PIAS1: variants seen among roughly 807,000 people sequenced by gnomAD.
The protein encoded by PIAS1 is protein inhibitor of activated STAT 1, also known as E3 SUMO-protein ligase PIAS1.
In PIAS1, 6 loss-of-function variants were observed where a neutral mutation model predicts 71.3. That is an observed-to-expected ratio of 0.08 (90% CI 0.05 to 0.17). The LOEUF (loss-of-function observed/expected upper bound fraction) is 0.17. Among genes scored for constraint, PIAS1 ranks in the 10% least tolerant of loss-of-function variants. The probability of loss-of-function intolerance (pLI) is 1.00; values close to 1 mark genes in which losing one functional copy is unlikely to be tolerated. For synonymous variants in PIAS1, 303 were observed against 292.9 expected (o/e 1.03, Z -0.35); for missense variants, 555 against 793.6 (o/e 0.70, Z 3.61).
At chr15:68,160,890 T>C (rs968874776) in intron 7 of PIAS1, among the ~76,000 whole-genome samples, 1 of 152,132 alleles carries the variant, frequency 6.6e-6, no homozygotes, top group Non-Finnish European at 1.5e-5. Flanking sequence ...ACTCCTAAGA[T>C]TGAGAACAAG....
chr15:68,155,843 T>C (rs960939227), intron 7 of PIAS1, among the ~76,000 whole-genome samples: 2 of 152,192 alleles, frequency 1.3e-5, no homozygotes, highest in African/African-American at 2.4e-5. Context: ...CTTCAGCAGT[T>C]ATTTCAAGCC....
chr15:68,054,414 G>T lies in PIAS1; in HGVS notation c.24+64G>T. 9 of 1,527,752 alleles carry T rather than the reference G, an allele frequency of 5.9e-6. No homozygotes were observed. In the South Asian group the frequency reaches 9.6e-5, roughly 16 times the overall value. 94.6% of individuals were successfully genotyped at this position (1,527,752 alleles called of 1,614,324 possible). A position where few individuals can be genotyped will look rare whatever the true frequency, so the allele number is the denominator to read the frequency against. On this transcript the variant is annotated intron_variant, in intron 1 of 13. Coordinates refer to ENST00000249636, the MANE Select transcript of PIAS1 (RefSeq NM_016166.3). This position sits in a 1 kb window ranked among gnomAD's most constrained non-coding sequence, Gnocchi z 4.6. ...CGGAGACGGCGCCGCTGCTGCCAGGGGGGATGGGTCCGACCCTGGGGGGCC... is the reference window on the plus strand; with the variant it reads ...CGGAGACGGCGCCGCTGCTGCCAGGTGGGATGGGTCCGACCCTGGGGGGCC...
At chr15:68,095,960 G>C (rs981533116) in intron 2 of PIAS1, among the ~76,000 whole-genome samples, 5 of 152,126 alleles carry the variant, frequency 3.3e-5, no homozygotes, top group African/African-American at 1.2e-4. Flanking sequence ...ATAAGCTTTA[G>C]ATGTGCCAAA....
rs1595806214 is a variant in PIAS1 at position 68,192,184 on chromosome 15, C to T, written c.*4349C>T. The T allele has an allele frequency of 6.6e-6, 1 of 152,174 alleles. No homozygotes were observed. Among genetic ancestry groups the T allele is most frequent in the East Asian group, 1.9e-4 (1 of 5,176 alleles). 9.4% of individuals were successfully genotyped at this position (152,174 alleles called of 1,614,324 possible). ...CTGTGCAGGATTTACTTCCTAATGT[C>T]CATGACTGGAGCTCAAAAGAACTGT... On this transcript the variant is annotated 3_prime_UTR_variant, in exon 14 of 14. Transcript: ENST00000249636.
At chr15:68,115,492 C>G (rs1329443668) in intron 2 of PIAS1, among the ~76,000 whole-genome samples, 1 of 152,014 alleles carries the variant, frequency 6.6e-6, no homozygotes, top group Non-Finnish European at 1.5e-5. Context: ...GTCATATTTT[C>G]TATGAATAGA....
chr15:68,153,135 T>TA (rs548418492), intron 6 of PIAS1, among the ~76,000 whole-genome samples: 55 of 151,904 alleles, frequency 3.6e-4, no homozygotes, highest in East Asian at 2.1e-3. Flanking sequence ...ATTTGTCATT[T>TA]AAAAAAAATA....
chr15:68,177,886 A>G (rs906834422), intron 11 of PIAS1, among the ~76,000 whole-genome samples: 3 of 152,232 alleles, frequency 2.0e-5, no homozygotes, highest in African/African-American at 4.8e-5. Flanking sequence ...GCCTGTTGCA[A>G]CTGAATAGAA....
chr15:68,129,897 T>A (rs904232285), intron 2 of PIAS1, among the ~76,000 whole-genome samples: 4 of 152,052 alleles, frequency 2.6e-5, no homozygotes, highest in Non-Finnish European at 4.4e-5. Context: ...TTTTTCATAA[T>A]GTTCAGGGGT....
chr15:68,159,353 G>C (rs1033971645), intron 7 of PIAS1, among the ~76,000 whole-genome samples: 6 of 151,932 alleles, frequency 3.9e-5, no homozygotes, highest in African/African-American at 1.4e-4. Flanking sequence ...TTTCTTTTGA[G>C]AAAGTTTTTT....
chr15:68,100,138 A>T (rs2092411130), intron 2 of PIAS1, among the ~76,000 whole-genome samples: 1 of 151,886 alleles, frequency 6.6e-6, no homozygotes, highest in Admixed American at 6.6e-5. Context: ...TGAAATAATT[A>T]CAGATTTGTA....
intron 2 of PIAS1, among the ~76,000 whole-genome samples, chr15:68,091,035 G>A (rs748402342): frequency 3.3e-5 from 5 of 150,640 alleles, no homozygotes; most frequent in Non-Finnish European, 5.9e-5. Context: ...ATGTATTATT[G>A]ATCCATATAA....
At chr15:68,124,511 C>A (rs2092636438) in intron 2 of PIAS1, among the ~76,000 whole-genome samples, 1 of 151,598 alleles carries the variant, frequency 6.6e-6, no homozygotes, top group African/African-American at 2.4e-5. Flanking sequence ...CACTTAAGGT[C>A]AGGAGCTTGA....
intron 7 of PIAS1, among the ~76,000 whole-genome samples, chr15:68,158,373 CTG>C (rs2092904561): frequency 6.6e-6 from 1 of 152,146 alleles, no homozygotes; most frequent in Non-Finnish European, 1.5e-5. Context: ...CAAAACTCCC[CTG>C]CTGCCTTCTC....
At position 68,171,602 on chromosome 15, in the gene PIAS1, G is replaced by C. The variant is rs540039996; in HGVS notation, c.1009-2130G>C. ...GATACTGTAAACTGGCATTGCTCTA[G>C]TCTCAGTAAGTTTATAGCATGTTCA... On this transcript the variant is annotated intron_variant, in intron 8 of 13. Coordinates refer to ENST00000249636, the MANE Select transcript of PIAS1 (RefSeq NM_016166.3). The surrounding 1 kb of genome is among the most constrained non-coding windows in gnomAD (Gnocchi z 4.4). Among the ~76,000 whole-genome samples the C allele has an allele frequency of 2.7e-4, 41 of 152,118 alleles. No homozygotes were observed. Among genetic ancestry groups the C allele is most frequent in the Non-Finnish European group, 3.7e-4 (25 of 68,030 alleles).
chr15:68,122,370 T>A (rs945555637), intron 2 of PIAS1, among the ~76,000 whole-genome samples: 2 of 152,120 alleles, frequency 1.3e-5, no homozygotes, highest in South Asian at 4.1e-4. Context: ...AAACTATAGT[T>A]CTCAAGGGAG....
At chr15:68,126,019 G>A (rs1567053402) in intron 2 of PIAS1, among the ~76,000 whole-genome samples, 1 of 151,744 alleles carries the variant, frequency 6.6e-6, no homozygotes. Context: ...ATCTTTTTCT[G>A]TAACCTGTTC....
intron 6 of PIAS1, among the ~76,000 whole-genome samples, chr15:68,147,690 C>T (rs4777022): frequency 0.61 from 93,123 of 151,922 alleles, 30,658 homozygotes; most frequent in African/African-American, 0.84. Context: ...TCTAGACTTC[C>T]AAGGTTTCAT....
chr15:68,149,436 T>C (rs1056454592), intron 6 of PIAS1, among the ~76,000 whole-genome samples: 6 of 151,966 alleles, frequency 3.9e-5, no homozygotes, highest in Non-Finnish European at 7.4e-5. Flanking sequence ...TCTGAGAATT[T>C]GGATGAGATT....
chr15:68,176,326 TAGA>T lies in PIAS1; in HGVS notation c.1301-143_1301-141del, dbSNP rs1423366703. 3.1e-5 allele frequency: 13 copies of T among 421,806 alleles called. 1 individual carries two copies. Among genetic ancestry groups the T allele is most frequent in the Non-Finnish European group, 2.5e-5 (6 of 237,660 alleles). 26.1% of individuals were successfully genotyped at this position (421,806 alleles called of 1,614,324 possible). ...TATTATTAAATAATAGTTTTAAACT[TAGA>T]AGAACAGAGCCACTGTTGGTTTTCT... On this transcript the variant is annotated intron_variant, in intron 10 of 13. Transcript: ENST00000249636.
Sources: gnomAD v4.1 joint callset for allele counts (sites outside exome capture counted in the v4.1 genomes callset) on GRCh38, gnomAD v4.1.1 for gene constraint, Gnocchi (gnomAD v3.1) non-coding constraint, MANE v1.5 for transcripts, NCBI Gene and HGNC (gene_info 2026-07-23, HGNC 2026-07-21) for gene names.